GPC5: variants seen among roughly 807,000 people sequenced by gnomAD.
The protein encoded by GPC5 is glypican 5.
GPC5 carries 47 observed loss-of-function variants against 53.9 expected under a neutral mutation model. The ratio of observed to expected loss-of-function variants is 0.87; its 90% CI spans 0.69 to 1.11. The LOEUF is 1.11. Among genes scored for constraint, GPC5 ranks in the 50% most tolerant of loss-of-function variants. The pLI is 0.00. For missense variants in GPC5, 748 were observed against 713.1 expected (o/e 1.05, Z -0.56); for synonymous variants, 286 against 263.3 (o/e 1.09, Z -0.84).
intron 2 of GPC5, among the ~76,000 whole-genome samples, chr13:91,550,565 T>C (rs1479977214): frequency 2.6e-5 from 4 of 152,156 alleles, no homozygotes; most frequent in South Asian, 2.1e-4. Flanking sequence ...TACTCATTAA[T>C]TGTTGATGTT....
intron 7 of GPC5, among the ~76,000 whole-genome samples, chr13:92,381,372 C>G (rs187450738): frequency 1.7e-3 from 257 of 152,176 alleles, no homozygotes; most frequent in Non-Finnish European, 1.9e-3. Context: ...GATAGATGAA[C>G]ATTAGAAAGG....
At chr13:92,212,995 T>C (rs2042385871) in intron 7 of GPC5, among the ~76,000 whole-genome samples, 1 of 152,320 alleles carries the variant, frequency 6.6e-6, no homozygotes, top group Admixed American at 6.5e-5. Context: ...AAGAGTTTTC[T>C]CTTGGCTGCA....
intron 7 of GPC5, among the ~76,000 whole-genome samples, chr13:92,478,429 C>T (rs564411259): frequency 5.9e-5 from 9 of 152,206 alleles, no homozygotes; most frequent in East Asian, 1.9e-4. Flanking sequence ...TCTCAGCAAG[C>T]TCTAAATAAA....
At chr13:91,726,186 T>C (rs995751005) in intron 3 of GPC5, among the ~76,000 whole-genome samples, 3 of 152,212 alleles carry the variant, frequency 2.0e-5, no homozygotes, top group African/African-American at 7.2e-5. Context: ...CTTATCCTTA[T>C]GCTTCTTTTA....
chr13:91,696,388 C>T (rs567152440), intron 3 of GPC5, among the ~76,000 whole-genome samples: 1 of 152,132 alleles, frequency 6.6e-6, no homozygotes, highest in Admixed American at 6.5e-5. Flanking sequence ...ACAACTGAGT[C>T]CTCTTTTTTA....
At chr13:91,465,490 G>A (rs1882179902) in intron 2 of GPC5, among the ~76,000 whole-genome samples, 1 of 151,952 alleles carries the variant, frequency 6.6e-6, no homozygotes, top group Admixed American at 6.6e-5. Flanking sequence ...CAAATTGGAG[G>A]TGCTGCATTT....
intron 2 of GPC5, among the ~76,000 whole-genome samples, chr13:91,518,839 C>A (rs986625031): frequency 6.6e-6 from 1 of 152,186 alleles, no homozygotes. Context: ...AGGTGTGAGC[C>A]ACCACACCCG....
intron 2 of GPC5, among the ~76,000 whole-genome samples, chr13:91,583,430 AC>A (rs1397323602): frequency 6.6e-6 from 1 of 152,208 alleles, no homozygotes; most frequent in Non-Finnish European, 1.5e-5. Flanking sequence ...ATATGCCAAG[AC>A]CGAAATATAC....
intron 7 of GPC5, among the ~76,000 whole-genome samples, chr13:92,561,485 C>T (rs1882692033): frequency 1.3e-5 from 2 of 151,956 alleles, no homozygotes. Flanking sequence ...TTCTCCTGAA[C>T]ATGTTGTAAA....
intron 2 of GPC5, among the ~76,000 whole-genome samples, chr13:91,662,340 T>A (rs559199717): frequency 1.3e-5 from 2 of 152,280 alleles, no homozygotes; most frequent in African/African-American, 2.4e-5. Flanking sequence ...AGGACTGAAA[T>A]TCACCAACTG....
At position 92,708,857 on chromosome 13, in the gene GPC5, C is replaced by CTTTTTTTTTTTTTTTTTTTTTTT. The variant is rs752130758; in HGVS notation, c.1562-157404_1562-157382dup. 1.7e-4 allele frequency among the ~76,000 whole-genome samples: 8 copies of CTTTTTTTTTTTTTTTTTTTTTTT among 48,184 alleles called. 1 individual carries two copies. The highest frequency in any genetic ancestry group is 1.6e-4 in the Non-Finnish European group (4 of 24,284). 31.6% of individuals were successfully genotyped at this position (48,184 alleles called of 152,430 possible). A position where few individuals can be genotyped will look rare whatever the true frequency, so the allele number is the denominator to read the frequency against. On this transcript the variant is annotated intron_variant, in intron 7 of 7. Coordinates refer to ENST00000377067, the MANE Select transcript of GPC5 (RefSeq NM_004466.6). ...CTAGCAGCATCTAGCTGGAAACCGC[C>CTTTTTTTTTTTTTTTTTTTTTTT]TTTTTTTTTTTTTTTTTTTTTTTTT...
intron 2 of GPC5, among the ~76,000 whole-genome samples, chr13:91,482,663 G>A (rs1883369482): frequency 6.6e-6 from 1 of 152,164 alleles, no homozygotes; most frequent in South Asian, 2.1e-4. Flanking sequence ...CCACAGGAAT[G>A]TCATCGCCGT....
chr13:91,560,896 C>T (rs1360735920), intron 2 of GPC5, among the ~76,000 whole-genome samples: 1 of 152,124 alleles, frequency 6.6e-6, no homozygotes, highest in Non-Finnish European at 1.5e-5. Context: ...TGGCACAGAA[C>T]TCTGTGGTTG....
intron 7 of GPC5, among the ~76,000 whole-genome samples, chr13:92,237,987 C>T (rs373344017): frequency 6.6e-6 from 1 of 151,896 alleles, no homozygotes; most frequent in African/African-American, 2.4e-5. Flanking sequence ...ACTTGTTCAT[C>T]CATGCCGTAC....
intron 7 of GPC5, among the ~76,000 whole-genome samples, chr13:92,525,437 AGTGTGTGT>A (rs34946580): frequency 0.049 from 6,689 of 136,650 alleles, 323 homozygotes; most frequent in African/African-American, 0.12. Context: ...GATAGATTCA[AGTGTGTGT>A]GTGTGTGTGT....
intron 7 of GPC5, among the ~76,000 whole-genome samples, chr13:92,538,532 A>G (rs1298780962): frequency 6.8e-6 from 1 of 146,084 alleles, no homozygotes; most frequent in Non-Finnish European, 1.5e-5. Flanking sequence ...TTACATAGGT[A>G]TACATGTGCC....
At chr13:91,704,243 A>G (rs1321792975) in intron 3 of GPC5, among the ~76,000 whole-genome samples, 1 of 150,708 alleles carries the variant, frequency 6.6e-6, no homozygotes, top group African/African-American at 2.4e-5. Context: ...TCATTATGTA[A>G]TGCCCTTCTT....
intron 6 of GPC5, among the ~76,000 whole-genome samples, chr13:92,127,753 T>C (rs2041711087): frequency 6.6e-6 from 1 of 152,228 alleles, no homozygotes; most frequent in Non-Finnish European, 1.5e-5. Flanking sequence ...TATAAAGTTT[T>C]TATTTAACCA....
Position 92,822,374 on chromosome 13 carries a change from T to A in GPC5, c.1562-43908T>A, listed in dbSNP as rs1301408737. On this transcript the variant is annotated intron_variant, in intron 7 of 7. Transcript: ENST00000377067. The stretch of plus-strand genomic sequence containing the variant: ...TTACTCCTCACAATAGCTCTCTCTC[T>A]CTGAGTTAAGGACTATTATTGTTCC... Among the ~76,000 whole-genome samples, 3 of 152,094 alleles carry A rather than the reference T, an allele frequency of 2.0e-5. No individual in the cohort carries two copies. In the East Asian group the frequency reaches 5.8e-4, roughly 29 times the overall value.
Sources: gnomAD v4.1 joint callset for allele counts (sites outside exome capture counted in the v4.1 genomes callset) on GRCh38, gnomAD v4.1.1 for gene constraint, MANE v1.5 for transcripts, NCBI Gene and HGNC (gene_info 2026-07-23, HGNC 2026-07-21) for gene names.